Variants in ARID4B observed in about 807,000 individuals in gnomAD.
The protein encoded by ARID4B is AT-rich interaction domain 4B.
Under a neutral mutation model 147.5 loss-of-function variants are expected in ARID4B, and 26 were observed. That is an observed-to-expected ratio of 0.18 (90% CI 0.13 to 0.24). The LOEUF is 0.24. ARID4B is among the 10% of genes least tolerant of loss of function. The probability of loss-of-function intolerance (pLI) is 1.00; values close to 1 mark genes in which losing one functional copy is unlikely to be tolerated. For synonymous variants in ARID4B, 512 were observed against 507.9 expected (o/e 1.01, Z -0.11); for missense variants, 1,179 against 1,511.5 (o/e 0.78, Z 3.65).
intron 2 of ARID4B, among the ~76,000 whole-genome samples, chr1:235,288,241 G>A (rs917401327): frequency 2.0e-5 from 3 of 152,064 alleles, no homozygotes; most frequent in Admixed American, 6.6e-5. Context: ...CTCAGGAGAC[G>A]GAGATTGCAG....
intron 17 of ARID4B, among the ~76,000 whole-genome samples, chr1:235,206,927 C>G: frequency 6.6e-6 from 1 of 152,150 alleles, no homozygotes; most frequent in East Asian, 1.9e-4. Flanking sequence ...AAAGATTTTC[C>G]TTGAGATGTG....
chr1:235,310,593 C>T (rs566914908), intron 2 of ARID4B, among the ~76,000 whole-genome samples: 13 of 152,294 alleles, frequency 8.5e-5, no homozygotes, highest in African/African-American at 3.1e-4. Flanking sequence ...TAAAGAATTC[C>T]TTATAAACTA....
At chr1:235,291,218 A>G (rs963448823) in intron 2 of ARID4B, among the ~76,000 whole-genome samples, 1 of 151,664 alleles carries the variant, frequency 6.6e-6, no homozygotes, top group Non-Finnish European at 1.5e-5. Context: ...AACACGTTGA[A>G]ACCCCGTCTC....
chr1:235,230,597 A>AAAC (rs1668143150), intron 10 of ARID4B, among the ~76,000 whole-genome samples: 1 of 111,282 alleles, frequency 9.0e-6, no homozygotes, highest in African/African-American at 3.1e-5. Context: ...TATAAGCTAA[A>AAAC]AAAAAAAAAA....
At chr1:235,262,200 G>C (rs1185325643) in intron 2 of ARID4B, among the ~76,000 whole-genome samples, 1 of 152,048 alleles carries the variant, frequency 6.6e-6, no homozygotes, top group Non-Finnish European at 1.5e-5. Flanking sequence ...TCCCCTAAAA[G>C]TTGTAGCTAT....
chr1:235,284,224 G>A (rs1169717390), intron 2 of ARID4B, among the ~76,000 whole-genome samples: 1 of 152,136 alleles, frequency 6.6e-6, no homozygotes, highest in South Asian at 2.1e-4. Flanking sequence ...GCTGGACGTG[G>A]TGGCAGGCAC....
At chr1:235,188,343 A>C (rs746781283) in intron 19 of ARID4B, among the ~76,000 whole-genome samples, 42 of 152,226 alleles carry the variant, frequency 2.8e-4, no homozygotes, top group Non-Finnish European at 8.8e-5. Flanking sequence ...AAACCAACCC[A>C]GTTTACCATA....
At chr1:235,291,651 C>A (rs984753585) in intron 2 of ARID4B, among the ~76,000 whole-genome samples, 1 of 151,248 alleles carries the variant, frequency 6.6e-6, no homozygotes, top group Non-Finnish European at 1.5e-5. Flanking sequence ...GCCTGGCCAA[C>A]GTGGCCAAAC....
At chr1:235,261,465 A>G (rs1670290508) in intron 2 of ARID4B, among the ~76,000 whole-genome samples, 1 of 152,224 alleles carries the variant, frequency 6.6e-6, no homozygotes, top group Non-Finnish European at 1.5e-5. Context: ...TCGAGACTCG[A>G]GTGAAAAGTG....
intron 2 of ARID4B, among the ~76,000 whole-genome samples, chr1:235,262,429 T>C (rs72756090): frequency 0.13 from 19,996 of 152,206 alleles, 1,528 homozygotes; most frequent in African/African-American, 0.2. Context: ...ATAATGGGAA[T>C]ATACCCTTAC....
chr1:235,322,687 C>T (rs868434598), intron 2 of ARID4B, among the ~76,000 whole-genome samples: 8 of 152,218 alleles, frequency 5.3e-5, no homozygotes, highest in African/African-American at 1.4e-4. Flanking sequence ...TCTTCTGCTA[C>T]ACTGTGGGCT....
chr1:235,288,130 C>T (rs760811865), intron 2 of ARID4B, among the ~76,000 whole-genome samples: 1 of 152,116 alleles, frequency 6.6e-6, no homozygotes, highest in African/African-American at 2.4e-5. Flanking sequence ...GCCAACATGG[C>T]GAAACCCCTT....
At chr1:235,220,871 A>T (rs1667419157) in intron 14 of ARID4B, among the ~76,000 whole-genome samples, 1 of 150,634 alleles carries the variant, frequency 6.6e-6, no homozygotes, top group African/African-American at 2.4e-5. Flanking sequence ...CCTGGGGCAC[A>T]CAGCAGCATC....
intron 20 of ARID4B, chr1:235,180,921 T>C (rs1558173996): frequency 5.8e-6 from 1 of 171,160 alleles, no homozygotes. Context: ...AAGGCACTAA[T>C]ACTTTGGGAA....
At chr1:235,255,531 GAT>G (rs1669930294) in intron 5 of ARID4B, 127 bp downstream of exon 5, 1 of 570,398 alleles carries the variant, frequency 1.8e-6, no homozygotes, top group Admixed American at 3.6e-5. Flanking sequence ...GATGTGGAAA[GAT>G]AAAATCCAGT....
At chr1:235,177,430 C>A (rs1429744452) in intron 21 of ARID4B, among the ~76,000 whole-genome samples, 1 of 152,010 alleles carries the variant, frequency 6.6e-6, no homozygotes, top group Non-Finnish European at 1.5e-5. Context: ...GATTAGAAAA[C>A]CTGTGTTTTT....
intron 2 of ARID4B, among the ~76,000 whole-genome samples, chr1:235,283,034 C>G (rs1671763101): frequency 6.6e-6 from 1 of 152,186 alleles, no homozygotes; most frequent in African/African-American, 2.4e-5. Flanking sequence ...CCTTGGCCTC[C>G]CAAAGTGCTG....
intron 19 of ARID4B, among the ~76,000 whole-genome samples, chr1:235,184,140 T>C (rs954722212): frequency 6.6e-6 from 1 of 152,232 alleles, no homozygotes; most frequent in East Asian, 1.9e-4. Flanking sequence ...ATTTCCATGA[T>C]GTTTTAAAGA....
intron 2 of ARID4B, among the ~76,000 whole-genome samples, chr1:235,323,851 A>T (rs1401814289): frequency 6.6e-6 from 1 of 151,876 alleles, no homozygotes; most frequent in Non-Finnish European, 1.5e-5. Context: ...ACAAACTTTA[A>T]TAATCTACCA....
Sources: gnomAD v4.1 joint callset for allele counts (sites outside exome capture counted in the v4.1 genomes callset) on GRCh38, gnomAD v4.1.1 for gene constraint, MANE v1.5 for transcripts, NCBI Gene and HGNC (gene_info 2026-07-23, HGNC 2026-07-21) for gene names.